PBX3: variants seen among roughly 807,000 people sequenced by gnomAD.
PBX3 encodes the protein PBX homeobox 3.
Under a neutral mutation model 48.5 loss-of-function variants are expected in PBX3, and 14 were observed. The observed-to-expected ratio is 0.29, with a 90% confidence interval of 0.19 to 0.45. The LOEUF is 0.45. PBX3 is among the 20% of genes least tolerant of loss of function. PBX3 has a pLI of 1.00. For synonymous variants in PBX3, 210 were observed against 200.3 expected (o/e 1.05, Z -0.41); for missense variants, 386 against 546.7 (o/e 0.71, Z 2.93).
At position 125,779,954 on chromosome 9, in the gene PBX3, C is replaced by T. The variant is rs1289378183; in HGVS notation, c.274+31331C>T. Among the ~76,000 whole-genome samples the T allele has an allele frequency of 2.7e-3, 364 of 135,064 alleles. 3 individuals carry two copies. Among genetic ancestry groups the T allele is most frequent in the African/African-American group, 9.7e-3 (347 of 35,616 alleles). 88.6% of individuals were successfully genotyped at this position (135,064 alleles called of 152,430 possible). Reference sequence around the variant, plus strand: ...GGCGGGGGGCTGACCCCCCACCTCCCTCCCGGACGGGGCGGCTGGCCGGGC... The same window carrying T: ...GGCGGGGGGCTGACCCCCCACCTCCTTCCCGGACGGGGCGGCTGGCCGGGC... On this transcript the variant is annotated intron_variant, in intron 2 of 8. Transcript: ENST00000373489.
chr9:125,775,549 A>T (rs909789072), intron 2 of PBX3, among the ~76,000 whole-genome samples: 1 of 152,218 alleles, frequency 6.6e-6, no homozygotes, highest in Non-Finnish European at 1.5e-5. Context: ...AAATAAATCG[A>T]TTATAGATAT....
At chr9:125,956,633 A>C (rs1182849568) in intron 5 of PBX3, among the ~76,000 whole-genome samples, 1 of 152,210 alleles carries the variant, frequency 6.6e-6, no homozygotes, top group East Asian at 1.9e-4. Flanking sequence ...GTGGCTGATA[A>C]CAATGAACAT....
In PBX3 at chr9:125,960,732, G is replaced by A; in HGVS notation, c.892G>A (p.Gly298Ser). ...ACGAATCAGGTACAAGAAGAACATTGGCAAGTTTCAGGAAGAAGCCAACCT... is the reference window on the plus strand; with the variant it reads ...ACGAATCAGGTACAAGAAGAACATTAGCAAGTTTCAGGAAGAAGCCAACCT... ...NKRIRYKKNI[G>S]KFQEEANLYA... Residue 298 changes from glycine (G) to serine (S), a missense_variant, in exon 6 of 9, where the codon GGC becomes AGC. Transcript: ENST00000373489. 1 of 1,614,166 alleles carries A rather than the reference G, an allele frequency of 6.2e-7. No individual in the cohort carries two copies. Among genetic ancestry groups the A allele is most frequent in the East Asian group, 2.2e-5 (1 of 44,888 alleles).
chr9:125,831,553 A>G (rs548719419), intron 2 of PBX3, among the ~76,000 whole-genome samples: 21 of 152,286 alleles, frequency 1.4e-4, no homozygotes, highest in African/African-American at 4.8e-4. Flanking sequence ...CAGAAATACA[A>G]TTCATACTGG....
At chr9:125,851,936 G>A (rs1474888255) in intron 2 of PBX3, among the ~76,000 whole-genome samples, 4 of 149,622 alleles carry the variant, frequency 2.7e-5, no homozygotes. Flanking sequence ...CTTAGATGTG[G>A]CAGTCTTTTT....
chr9:125,933,469 T>C (rs1017125081), intron 4 of PBX3, among the ~76,000 whole-genome samples: 1 of 152,204 alleles, frequency 6.6e-6, no homozygotes, highest in Non-Finnish European at 1.5e-5. Flanking sequence ...CAAACTTCTC[T>C]TTGCTTTTCT....
chr9:125,749,936 C>G (rs1006210504), intron 2 of PBX3, among the ~76,000 whole-genome samples: 1 of 152,162 alleles, frequency 6.6e-6, no homozygotes, highest in African/African-American at 2.4e-5. Context: ...CATATTATGG[C>G]TGGTTTCTTA....
chr9:125,748,234 C>T (rs1836259208), intron 1 of PBX3: 2 of 1,035,360 alleles, frequency 1.9e-6, no homozygotes, highest in South Asian at 3.6e-5. Context: ...CCCCTCCGCA[C>T]CCGTCCCCTC....
intron 8 of PBX3, among the ~76,000 whole-genome samples, chr9:125,965,572 G>A (rs1321232006): frequency 6.6e-6 from 1 of 152,212 alleles, no homozygotes; most frequent in African/African-American, 2.4e-5. Flanking sequence ...CAAAGGCCGA[G>A]CTCGATGCCA....
chr9:125,916,425 C>A (rs1050450170), intron 3 of PBX3, among the ~76,000 whole-genome samples: 2 of 152,142 alleles, frequency 1.3e-5, no homozygotes, highest in African/African-American at 4.8e-5. Context: ...CGGCCTGTTT[C>A]TCTGAGTATG....
At chr9:125,826,857 T>C (rs1250135374) in intron 2 of PBX3, among the ~76,000 whole-genome samples, 2 of 152,226 alleles carry the variant, frequency 1.3e-5, no homozygotes, top group Non-Finnish European at 2.9e-5. Context: ...CTTAAGTATT[T>C]ATTATTTCTC....
chr9:125,871,706 T>A (rs1048714163), intron 2 of PBX3, among the ~76,000 whole-genome samples: 1 of 152,204 alleles, frequency 6.6e-6, no homozygotes, highest in African/African-American at 2.4e-5. Context: ...ATGATAATAT[T>A]TCCAATATAT....
chr9:125,934,387 A>G (rs1841788812), intron 4 of PBX3, among the ~76,000 whole-genome samples: 1 of 152,214 alleles, frequency 6.6e-6, no homozygotes, highest in African/African-American at 2.4e-5. Flanking sequence ...TTTGGAAGAA[A>G]GTATTAAGAA....
At chr9:125,885,281 C>A (rs746000694) in intron 2 of PBX3, among the ~76,000 whole-genome samples, 1 of 152,062 alleles carries the variant, frequency 6.6e-6, no homozygotes, top group Non-Finnish European at 1.5e-5. Context: ...GTTTTTCTTT[C>A]CTTTATGGTT....
intron 2 of PBX3, among the ~76,000 whole-genome samples, chr9:125,806,167 G>C (rs1183082661): frequency 6.6e-6 from 1 of 152,028 alleles, no homozygotes; most frequent in Non-Finnish European, 1.5e-5. Flanking sequence ...AAGTGAAATA[G>C]GCATGCATAT....
At chr9:125,760,504 A>G (rs1387829827) in intron 2 of PBX3, among the ~76,000 whole-genome samples, 1 of 152,200 alleles carries the variant, frequency 6.6e-6, no homozygotes, top group Non-Finnish European at 1.5e-5. Context: ...TAATATTAGC[A>G]TGGCATATTG....
At chr9:125,806,438 G>C (rs1390652405) in intron 2 of PBX3, among the ~76,000 whole-genome samples, 1 of 152,192 alleles carries the variant, frequency 6.6e-6, no homozygotes, top group Non-Finnish European at 1.5e-5. Flanking sequence ...GATGCTGCCA[G>C]GTTCGGTGTC....
At chr9:125,822,154 T>C in intron 2 of PBX3, among the ~76,000 whole-genome samples, 1 of 152,134 alleles carries the variant, frequency 6.6e-6, no homozygotes, top group East Asian at 1.9e-4. Context: ...TTTTCCTAAA[T>C]AAGTAAAATT....
intron 2 of PBX3, among the ~76,000 whole-genome samples, chr9:125,770,321 C>T (rs1368841049): frequency 6.6e-6 from 1 of 152,046 alleles, no homozygotes; most frequent in Non-Finnish European, 1.5e-5. Context: ...AGTGGTTCAG[C>T]ACATAAATAC....
Sources: allele counts gnomAD v4.1 joint callset (sites outside exome capture counted in the v4.1 genomes callset), GRCh38; gene constraint gnomAD v4.1.1; transcripts MANE v1.5; gene names NCBI Gene and HGNC (gene_info 2026-07-23, HGNC 2026-07-21).